Variants in ADD2 observed in about 807,000 individuals in gnomAD.
ADD2 encodes the protein beta-adducin.
ADD2 carries 23 observed loss-of-function variants against 83.0 expected under a neutral mutation model. That is an observed-to-expected ratio of 0.28 (90% CI 0.20 to 0.39). The LOEUF is 0.39. Ranked by LOEUF, ADD2 falls within the 10% of genes least tolerant of loss-of-function variation. ADD2 has a pLI of 1.00. For missense variants in ADD2, 758 were observed against 944.9 expected (o/e 0.80, Z 2.59); for synonymous variants, 375 against 375.4 (o/e 1.00, Z 0.01).
At chr2:70,763,580 A>G (rs1272960110) in intron 1 of ADD2, among the ~76,000 whole-genome samples, 1 of 152,004 alleles carries the variant, frequency 6.6e-6, no homozygotes, top group African/African-American at 2.4e-5. Context: ...CTAAACACCT[A>G]TGCTTTACAG....
rs1379626335 is a variant in ADD2, at chr2:70,706,379, G to A, written c.30C>T (p.Ala10=). The change falls in exon 3 of 16, where the codon GCC becomes GCT. Residue 10 remains alanine (A), a synonymous_variant. Coordinates refer to ENST00000264436, the MANE Select transcript of ADD2 (RefSeq NM_001617.4). The surrounding 1 kb of genome is among the most constrained non-coding windows in gnomAD (Gnocchi z 5.0). MSEETVPEA[A]SPPPPQGQPY... is the part of the protein sequence containing the mutation. ...GCTGCCCCTGCGGGGGCGGCGGCGA[G>A]GCAGCCTCGGGGACCGTCTCTTCGC... The A allele has an allele frequency of 1.2e-6, 2 of 1,610,858 alleles. No individual in the cohort carries two copies. Among genetic ancestry groups the A allele is most frequent in the Non-Finnish European group, 1.7e-6 (2 of 1,178,630 alleles).
At chr2:70,735,002 A>T (rs6546623) in intron 1 of ADD2, among the ~76,000 whole-genome samples, 10,395 of 152,246 alleles carry the variant, frequency 0.068, 684 homozygotes, top group African/African-American at 0.17. Flanking sequence ...TCACCTACAG[A>T]AAGTGTTCAG....
chr2:70,663,354 C>T lies in ADD2; in HGVS notation c.*71G>A. ...CTATCCCTCCTTAGCCCTGTGCTTG[C>T]AGGGACAGAGATGGGAGAAGGGAAG... On this transcript the variant is annotated 3_prime_UTR_variant, in exon 16 of 16. Coordinates refer to ENST00000264436, the MANE Select transcript of ADD2 (RefSeq NM_001617.4). The T allele has an allele frequency of 1.3e-6, 2 of 1,491,904 alleles. No homozygotes were observed. Among genetic ancestry groups the T allele is most frequent in the Non-Finnish European group, 1.8e-6 (2 of 1,093,710 alleles). The allele number at this position is 1,491,904 out of a possible 1,614,324, so 92.4% of individuals were successfully genotyped here.
chr2:70,683,814 C>G, intron 9 of ADD2, 47 bp from the exon 10 acceptor site: 3 of 1,569,172 alleles, frequency 1.9e-6, no homozygotes, highest in Non-Finnish European at 2.6e-6. Context: ...ACATGGGTAC[C>G]CTGCACTTAT....
intron 1 of ADD2, among the ~76,000 whole-genome samples, chr2:70,755,247 G>T (rs1489348916): frequency 6.6e-6 from 1 of 151,958 alleles, no homozygotes. Context: ...CTCCCTCTTC[G>T]CTCCACTCTC....
intron 1 of ADD2, among the ~76,000 whole-genome samples, chr2:70,741,883 C>T (rs1364998670): frequency 6.6e-6 from 1 of 152,014 alleles, no homozygotes; most frequent in Non-Finnish European, 1.5e-5. Context: ...AATACCAGCT[C>T]CTCCCCCACA....
intron 1 of ADD2, among the ~76,000 whole-genome samples, chr2:70,738,058 G>T (rs1207028515): frequency 6.6e-6 from 1 of 152,146 alleles, no homozygotes; most frequent in Admixed American, 6.5e-5. Flanking sequence ...TCAAAGCCCA[G>T]TACACCATGA....
chr2:70,679,028 A>G (rs1670324938), intron 10 of ADD2, 67 bp from the exon 11 acceptor site: 14 of 1,502,814 alleles, frequency 9.3e-6, no homozygotes, highest in Non-Finnish European at 1.3e-5. Context: ...ACATACATGC[A>G]CACACACCTT....
At chr2:70,697,799 A>G (rs1216534340) in intron 4 of ADD2, among the ~76,000 whole-genome samples, 1 of 152,184 alleles carries the variant, frequency 6.6e-6, no homozygotes, top group Non-Finnish European at 1.5e-5. Flanking sequence ...TGGTCTACAA[A>G]AAGCGAGGGC....
At chr2:70,767,705 CAGA>C in intron 1 of ADD2, 178 bp downstream of exon 1, 2 of 1,416,480 alleles carry the variant, frequency 1.4e-6, no homozygotes, top group Non-Finnish European at 1.8e-6. Context: ...ACATCATCAC[CAGA>C]AACCTTTAGG....
chr2:70,696,930 G>C (rs1405527732), intron 4 of ADD2, among the ~76,000 whole-genome samples: 1 of 152,244 alleles, frequency 6.6e-6, no homozygotes, highest in African/African-American at 2.4e-5. Flanking sequence ...GGAGGTCGAG[G>C]CGGGCGGATC....
At chr2:70,672,018 A>G (rs1553367149) in intron 15 of ADD2, among the ~76,000 whole-genome samples, 1 of 152,178 alleles carries the variant, frequency 6.6e-6, no homozygotes, top group Admixed American at 6.5e-5. Context: ...TATCCACTTT[A>G]TGTATACTAT....
In ADD2 at chr2:70,663,611, G is replaced by A. The variant is rs767857634; in HGVS notation, c.1995C>T (p.Gly665=). The A allele has an allele frequency of 6.2e-7, 1 of 1,614,042 alleles. No individual in the cohort carries two copies. The highest frequency in any genetic ancestry group is 8.5e-7 in the Non-Finnish European group (1 of 1,180,050). ...CAGCACTGGTGGTCATCTGGCTCAGGCCTTTGCTGAGGATTTCCTCTGCCG... is the reference window on the plus strand; with the variant it reads ...CAGCACTGGTGGTCATCTGGCTCAGACCTTTGCTGAGGATTTCCTCTGCCG... The part of the protein sequence containing the change: ...EQTAEEILSK[G]LSQMTTSADT... Residue 665 remains glycine (G), a synonymous_variant, in exon 16 of 16, where the codon GGC becomes GGT. Transcript: ENST00000264436.
chr2:70,711,151 AG>A (rs1489843629), intron 2 of ADD2: 2 of 152,242 alleles, frequency 1.3e-5, no homozygotes, highest in Non-Finnish European at 2.9e-5. Flanking sequence ...TGAAGATCAG[AG>A]GAGACCAGCG....
At chr2:70,684,529 A>G (rs1409528038) in intron 9 of ADD2, among the ~76,000 whole-genome samples, 2 of 152,230 alleles carry the variant, frequency 1.3e-5, no homozygotes, top group Non-Finnish European at 2.9e-5. Context: ...GATTACAGGC[A>G]TGAACCACCA....
intron 9 of ADD2, 64 bp downstream of exon 9, chr2:70,687,960 C>A (rs17006100): frequency 7.9e-7 from 1 of 1,264,646 alleles, no homozygotes; most frequent in Non-Finnish European, 1.2e-6. Flanking sequence ...AGGGTCACCA[C>A]GTTTGCCCAC....
At chr2:70,724,654 G>A (rs1157361016) in intron 1 of ADD2, among the ~76,000 whole-genome samples, 3 of 152,210 alleles carry the variant, frequency 2.0e-5, no homozygotes, top group Non-Finnish European at 4.4e-5. Flanking sequence ...GATTCTCCTT[G>A]ACTTGGGCCC....
chr2:70,684,407 T>C (rs1395207419), intron 9 of ADD2, among the ~76,000 whole-genome samples: 7 of 152,116 alleles, frequency 4.6e-5, no homozygotes, highest in Non-Finnish European at 7.4e-5. Context: ...ACTACCACAT[T>C]CAGCAAATTT....
chr2:70,727,083 GC>G (rs1673042565), intron 1 of ADD2, among the ~76,000 whole-genome samples: 1 of 152,184 alleles, frequency 6.6e-6, no homozygotes, highest in Non-Finnish European at 1.5e-5. Flanking sequence ...ACCTAGAAGG[GC>G]TTGAGTCCTT....
Sources: gnomAD v4.1 joint callset for allele counts (sites outside exome capture counted in the v4.1 genomes callset) on GRCh38, gnomAD v4.1.1 for gene constraint, Gnocchi (gnomAD v3.1) non-coding constraint, MANE v1.5 for transcripts, NCBI Gene and HGNC (gene_info 2026-07-23, HGNC 2026-07-21) for gene names.